Variants in PAG1 observed in about 807,000 individuals in gnomAD.
PAG1 encodes the protein phosphoprotein associated with glycosphingolipid-enriched microdomains 1.
In PAG1, 23 loss-of-function variants were observed where a neutral mutation model predicts 31.7. The observed-to-expected ratio is 0.73, with a 90% CI of 0.52 to 1.03. The LOEUF (loss-of-function observed/expected upper bound fraction) is 1.03, where lower values mean the gene tolerates loss of function less well. PAG1 is among the 50% of genes least tolerant of loss of function. The pLI, the probability that PAG1 is intolerant of heterozygous loss-of-function variation, is 0.00. For missense variants in PAG1, 473 were observed against 540.7 expected (o/e 0.87, Z 1.24); for synonymous variants, 214 against 210.3 (o/e 1.02, Z -0.15).
Position 81,045,551 on chromosome 8 carries a change from G to T in PAG1, c.-174-15462C>A, listed in dbSNP as rs369829809. ...GTGAGATGGGGAAATTGGAGGTGGG[G>T]TGACAGCCTAGGGGTGAGGGGTTTC... On this transcript the variant is annotated intron_variant, in intron 2 of 8. Coordinates refer to ENST00000220597, the MANE Select transcript of PAG1 (RefSeq NM_018440.4). 5.9e-5 allele frequency among the ~76,000 whole-genome samples: 9 copies of T among 152,300 alleles called. 2 individuals carry two copies. Among genetic ancestry groups the T allele is most frequent in the Admixed American group, 3.3e-4 (5 of 15,306 alleles).
chr8:81,003,771 T>G (rs1807828141), intron 3 of PAG1, among the ~76,000 whole-genome samples: 1 of 152,202 alleles, frequency 6.6e-6, no homozygotes, highest in African/African-American at 2.4e-5. Context: ...AATTCAGGAC[T>G]TTCCACACAA....
intron 3 of PAG1, among the ~76,000 whole-genome samples, chr8:81,024,220 C>T (rs1808235689): frequency 6.6e-6 from 1 of 152,062 alleles, no homozygotes; most frequent in Admixed American, 6.5e-5. Flanking sequence ...AACACAAAAC[C>T]CCTGGGACAG....
In PAG1 at chr8:80,993,086, T is replaced by TAC. The variant is rs758988587; in HGVS notation, c.125+15_125+16dup. On this transcript the variant is annotated intron_variant, in intron 4 of 8. Transcript: ENST00000220597. ...TGTATTAGTTTAAGGCACAGGTATA[T>TAC]ACACTCTGGTTCTCACCTGTCACAA... 5 of 1,611,068 alleles carry TAC rather than the reference T, an allele frequency of 3.1e-6. No homozygotes were observed. The highest frequency in any genetic ancestry group is 4.2e-6 in the Non-Finnish European group (5 of 1,178,274).
At chr8:81,031,312 C>T (rs1808374175) in intron 2 of PAG1, among the ~76,000 whole-genome samples, 1 of 152,214 alleles carries the variant, frequency 6.6e-6, no homozygotes, top group Admixed American at 6.5e-5. Context: ...TCTAAGCCGA[C>T]TCCAGGTCTT....
intron 1 of PAG1, among the ~76,000 whole-genome samples, chr8:81,090,679 C>T (rs1809429996): frequency 6.6e-6 from 1 of 152,158 alleles, no homozygotes; most frequent in South Asian, 2.1e-4. Flanking sequence ...GAGAATAGGA[C>T]ACCTGAAGAG....
intron 4 of PAG1, among the ~76,000 whole-genome samples, chr8:80,991,858 C>CT (rs11303470): frequency 0.011 from 1,470 of 138,780 alleles, 15 homozygotes; most frequent in South Asian, 0.013. Flanking sequence ...TAAGTTATAC[C>CT]TTTTTTTTTT....
At chr8:80,981,634 TC>T (rs1586139475) in intron 7 of PAG1, among the ~76,000 whole-genome samples, 2 of 152,208 alleles carry the variant, frequency 1.3e-5, no homozygotes, top group East Asian at 3.9e-4. Context: ...TAATCTATTT[TC>T]TTTCCTCCCT....
chr8:80,998,408 G>A (rs554490267), intron 3 of PAG1, among the ~76,000 whole-genome samples: 3 of 152,032 alleles, frequency 2.0e-5, no homozygotes, highest in South Asian at 2.1e-4. Flanking sequence ...GATTACAGGC[G>A]TGAACCACCA....
intron 2 of PAG1, among the ~76,000 whole-genome samples, chr8:81,052,542 A>G (rs1030839306): frequency 1.8e-4 from 28 of 152,244 alleles, no homozygotes; most frequent in African/African-American, 6.5e-4. Flanking sequence ...ATTGAGCTAC[A>G]CTGCTTCTTT....
intron 3 of PAG1, among the ~76,000 whole-genome samples, chr8:81,009,269 G>C (rs1053436258): frequency 2.0e-5 from 3 of 152,084 alleles, no homozygotes; most frequent in African/African-American, 7.2e-5. Flanking sequence ...TTTAGAAGCA[G>C]ATATTAATTT....
chr8:80,998,884 G>C (rs1807734853), intron 3 of PAG1, among the ~76,000 whole-genome samples: 1 of 152,154 alleles, frequency 6.6e-6, no homozygotes, highest in African/African-American at 2.4e-5. Flanking sequence ...CCTCACTGTT[G>C]GATGAAATAT....
At chr8:81,055,680 G>T (rs932010113) in intron 2 of PAG1, among the ~76,000 whole-genome samples, 2 of 152,030 alleles carry the variant, frequency 1.3e-5, no homozygotes, top group South Asian at 4.2e-4. Flanking sequence ...CACATCCCTT[G>T]TAAGTTGGAT....
At chr8:81,099,668 C>G (rs1809580584) in intron 1 of PAG1, among the ~76,000 whole-genome samples, 1 of 152,284 alleles carries the variant, frequency 6.6e-6, no homozygotes, top group South Asian at 2.1e-4. Flanking sequence ...GAAAGTGAGA[C>G]AGAAAAGAAA....
chr8:81,066,493 T>A lies in PAG1; in HGVS notation c.-175+3619A>T, dbSNP rs573089582. On this transcript the variant is annotated intron_variant, in intron 2 of 8. Transcript: ENST00000220597. Reference sequence around the variant, plus strand: ...AATAAAACTATGCCCTAGGGAAACATTGATTTAAGAGGAAAAATCAATACC... The same window carrying A: ...AATAAAACTATGCCCTAGGGAAACAATGATTTAAGAGGAAAAATCAATACC... Among the ~76,000 whole-genome samples the A allele has an allele frequency of 9.2e-5, 14 of 152,226 alleles. No homozygotes were observed. In the East Asian group the frequency reaches 2.7e-3, roughly 29 times the overall value.
rs1807151264 is a variant in PAG1 at position 80,974,868 on chromosome 8, GAA to G, written c.*1674_*1675del. On this transcript the variant is annotated 3_prime_UTR_variant, in exon 9 of 9. Transcript: ENST00000220597. ...ACTTCAACTAGGCTCCTTTGAAAAT[GAA>G]AAGTGAACAAGTTTCCTAATGCTGG... The G allele has an allele frequency of 6.6e-6, 1 of 152,168 alleles. No individual in the cohort carries two copies. The highest frequency in any genetic ancestry group is 1.9e-4 in the East Asian group (1 of 5,204). The allele number at this position is 152,168 out of a possible 1,614,324, so 9.4% of individuals were successfully genotyped here.
At chr8:81,087,064 G>A (rs1255358750) in intron 1 of PAG1, among the ~76,000 whole-genome samples, 2 of 152,188 alleles carry the variant, frequency 1.3e-5, no homozygotes, top group Non-Finnish European at 2.9e-5. Flanking sequence ...TGTAGAAGCG[G>A]CCAGGCGTGG....
intron 2 of PAG1, among the ~76,000 whole-genome samples, chr8:81,066,055 T>C (rs534549404): frequency 6.6e-6 from 1 of 152,282 alleles, no homozygotes; most frequent in East Asian, 1.9e-4. Context: ...GCCCATCCTT[T>C]GGGCCAGGGA....
At chr8:81,082,234 C>T (rs1586208759) in intron 1 of PAG1, among the ~76,000 whole-genome samples, 1 of 108,834 alleles carries the variant, frequency 9.2e-6, no homozygotes, top group East Asian at 2.7e-4. Flanking sequence ...GCCTGGGCAA[C>T]AGAGTGAGAC....
In PAG1 at chr8:80,987,362, G is replaced by T. The variant is rs374032258; in HGVS notation, c.274+8C>A. Reference sequence around the variant, plus strand: ...TGTGTGGAAAGCTGGTGTTTTTGCAGAACTTACTGTCCCCATTGGTGAGTG... The same window carrying T: ...TGTGTGGAAAGCTGGTGTTTTTGCATAACTTACTGTCCCCATTGGTGAGTG... On this transcript the variant is annotated splice_region_variant and intron_variant, in intron 6 of 8. Coordinates refer to ENST00000220597, the MANE Select transcript of PAG1 (RefSeq NM_018440.4). The T allele has an allele frequency of 1.3e-6, 2 of 1,588,978 alleles. No homozygotes were observed. The highest frequency in any genetic ancestry group is 1.7e-6 in the Non-Finnish European group (2 of 1,157,170).
Sources: allele counts gnomAD v4.1 joint callset (sites outside exome capture counted in the v4.1 genomes callset), GRCh38; gene constraint gnomAD v4.1.1; transcripts MANE v1.5; gene names NCBI Gene and HGNC (gene_info 2026-07-23, HGNC 2026-07-21).